The following NTM variants were observed in gnomAD, a reference collection of about 807,000 sequenced individuals.
NTM encodes the protein IgLON family member 2.
In NTM, 13 loss-of-function variants were observed where a neutral mutation model predicts 42.1. That is an observed-to-expected ratio of 0.31 (90% CI 0.20 to 0.49). The LOEUF is 0.49. Ranked by LOEUF, NTM falls within the 20% of genes least tolerant of loss-of-function variation. NTM has a pLI of 0.99. For missense variants in NTM, 373 were observed against 452.8 expected (o/e 0.82, Z 1.60); for synonymous variants, 187 against 179.2 (o/e 1.04, Z -0.35).
chr11:132,154,459 A>G (rs1357691059), intron 3 of NTM, among the ~76,000 whole-genome samples: 2 of 152,168 alleles, frequency 1.3e-5, no homozygotes, highest in South Asian at 2.1e-4. Flanking sequence ...AATTTTCAAA[A>G]TCTCTCCAAT....
At chr11:131,864,504 T>C (rs2046945366) in intron 1 of NTM, among the ~76,000 whole-genome samples, 1 of 152,244 alleles carries the variant, frequency 6.6e-6, no homozygotes, top group African/African-American at 2.4e-5. Context: ...GATTGCTTAA[T>C]GGTCCCAGTG....
chr11:131,827,392 T>C (rs561969063), intron 1 of NTM, among the ~76,000 whole-genome samples: 2 of 152,144 alleles, frequency 1.3e-5, no homozygotes, highest in East Asian at 3.9e-4. Context: ...GGGACAACTG[T>C]GGGTTCACAC....
intron 4 of NTM, among the ~76,000 whole-genome samples, chr11:132,226,418 G>C (rs4937682): frequency 0.11 from 16,131 of 152,120 alleles, 1,389 homozygotes; most frequent in African/African-American, 0.23. Context: ...GGTGTGAGGT[G>C]GTATCTCATT....
At chr11:131,661,082 A>C (rs1012318762) in intron 1 of NTM, 2 of 1,284,180 alleles carry the variant, frequency 1.6e-6, no homozygotes, top group Non-Finnish European at 2.1e-6. Context: ...TCTTTTGCAC[A>C]GACTGGTGGG....
chr11:131,758,082 C>T (rs975025908), intron 1 of NTM, among the ~76,000 whole-genome samples: 1 of 152,182 alleles, frequency 6.6e-6, no homozygotes, highest in African/African-American at 2.4e-5. Flanking sequence ...GAGCAAGTAG[C>T]CTTACTTAAG....
intron 1 of NTM, among the ~76,000 whole-genome samples, chr11:131,558,657 C>T (rs190260207): frequency 2.0e-5 from 3 of 152,258 alleles, no homozygotes; most frequent in East Asian, 1.9e-4. Flanking sequence ...GTCCTAGTAA[C>T]CCAGGCAGTG....
intron 1 of NTM, among the ~76,000 whole-genome samples, chr11:131,861,137 C>A (rs941044937): frequency 1.3e-5 from 2 of 152,246 alleles, no homozygotes; most frequent in East Asian, 1.9e-4. Flanking sequence ...GAAAAAATAT[C>A]CCTGTCAGCT....
At chr11:131,406,797 T>C (rs950318870) in intron 1 of NTM, among the ~76,000 whole-genome samples, 3 of 152,178 alleles carry the variant, frequency 2.0e-5, no homozygotes, top group Admixed American at 2.0e-4. Context: ...GGAGAATGAC[T>C]GTATATCACT....
At chr11:131,767,071 G>T in intron 1 of NTM, 1 of 731,422 alleles carries the variant, frequency 1.4e-6, no homozygotes, top group African/African-American at 1.9e-5. Flanking sequence ...CTCTCTGTGT[G>T]TGTCTGCTTT....
Position 131,713,549 on chromosome 11 carries a change from C to A in NTM, c.83-198015C>A, listed in dbSNP as rs539929044. On this transcript the variant is annotated intron_variant, in intron 1 of 8. Transcript: ENST00000683400. ...AGAACTAGTATCTGAAAAACCTTTCCTCTCTTCCTTTCAGTATGTTTTCCT... is the reference window on the plus strand; with the variant it reads ...AGAACTAGTATCTGAAAAACCTTTCATCTCTTCCTTTCAGTATGTTTTCCT... Among the ~76,000 whole-genome samples, 17 of 152,296 alleles carry A rather than the reference C, an allele frequency of 1.1e-4. No homozygotes were observed. In the South Asian group the frequency reaches 2.3e-3, roughly 20 times the overall value.
In NTM at chr11:131,437,972, G is replaced by A. The variant is rs189693175; in HGVS notation, c.82+67084G>A. Among the ~76,000 whole-genome samples the A allele has an allele frequency of 3.0e-3, 451 of 152,264 alleles. 3 individuals are homozygous for A. The highest frequency in any genetic ancestry group is 0.01 in the African/African-American group (435 of 41,546). On this transcript the variant is annotated intron_variant, in intron 1 of 8. Coordinates refer to ENST00000683400, the MANE Select transcript of NTM (RefSeq NM_001352005.2). ...TCCTTCAGGAGCTCTTGTAAGGCAG[G>A]CCTGGTGGTGAGAAAATCTCTCAGC...
intron 1 of NTM, among the ~76,000 whole-genome samples, chr11:131,650,462 G>A (rs2066339347): frequency 1.3e-5 from 2 of 152,188 alleles, no homozygotes; most frequent in South Asian, 2.1e-4. Context: ...CTTTGCCAGA[G>A]CTTTTGAAAG....
intron 4 of NTM, among the ~76,000 whole-genome samples, chr11:132,269,297 A>G (rs998551055): frequency 2.0e-5 from 3 of 152,216 alleles, no homozygotes; most frequent in African/African-American, 7.2e-5. Context: ...TTTTGTTTTT[A>G]AATAAGTTAC....
chr11:131,389,113 A>G (rs1943701843), intron 1 of NTM, among the ~76,000 whole-genome samples: 1 of 152,132 alleles, frequency 6.6e-6, no homozygotes, highest in African/African-American at 2.4e-5. Context: ...TAGTCAAGTA[A>G]CTGAGCACCT....
intron 2 of NTM, among the ~76,000 whole-genome samples, chr11:132,098,281 C>G (rs2061256347): frequency 6.6e-6 from 1 of 151,758 alleles, no homozygotes; most frequent in East Asian, 1.9e-4. Context: ...AGTATATTCC[C>G]CCAAAATTGT....
intron 1 of NTM, among the ~76,000 whole-genome samples, chr11:131,768,031 A>C (rs1004315943): frequency 5.3e-5 from 8 of 150,956 alleles, no homozygotes; most frequent in African/African-American, 1.7e-4. Flanking sequence ...TTTTTTTTTT[A>C]AGTTTTTAAT....
At chr11:131,594,814 A>G (rs1232156927) in intron 1 of NTM, among the ~76,000 whole-genome samples, 1 of 152,182 alleles carries the variant, frequency 6.6e-6, no homozygotes, top group East Asian at 1.9e-4. Context: ...ATTGAGACCT[A>G]GAGAAGTTGA....
At chr11:131,661,747 G>A (rs1184786017) in intron 1 of NTM, among the ~76,000 whole-genome samples, 1 of 152,102 alleles carries the variant, frequency 6.6e-6, no homozygotes. Flanking sequence ...CCTAAGAGTA[G>A]AGTGAAAATG....
chr11:131,582,211 A>C (rs2058470355), intron 1 of NTM: 2 of 152,172 alleles, frequency 1.3e-5, no homozygotes, highest in South Asian at 4.1e-4. Context: ...GGAGTTTCCT[A>C]TACTAGTGAA....
Sources: allele counts gnomAD v4.1 joint callset (sites outside exome capture counted in the v4.1 genomes callset), GRCh38; gene constraint gnomAD v4.1.1; transcripts MANE v1.5; gene names NCBI Gene and HGNC (gene_info 2026-07-23, HGNC 2026-07-21).